Variants in DCUN1D1 observed in about 807,000 individuals in gnomAD.
The protein encoded by DCUN1D1 is DCN1-like protein 1.
A neutral mutation model predicts 39.0 loss-of-function variants in DCUN1D1; 3 were observed. The ratio of observed to expected loss-of-function variants is 0.08; its 90% CI spans 0.04 to 0.20. DCUN1D1 has a LOEUF of 0.20. DCUN1D1 is among the 10% of genes least tolerant of loss of function. DCUN1D1 has a pLI of 1.00. For synonymous variants in DCUN1D1, 82 were observed against 96.3 expected (o/e 0.85, Z 0.87); for missense variants, 158 against 302.4 (o/e 0.52, Z 3.54).
chr3:182,968,747 G>T (rs538613327), intron 1 of DCUN1D1, among the ~76,000 whole-genome samples: 1 of 151,998 alleles, frequency 6.6e-6, no homozygotes, highest in Admixed American at 6.6e-5. Flanking sequence ...TTACAGGCAC[G>T]CACTGCTGCG....
At chr3:182,976,127 T>A (rs184995900) in intron 1 of DCUN1D1, among the ~76,000 whole-genome samples, 8 of 152,288 alleles carry the variant, frequency 5.3e-5, no homozygotes, top group Middle Eastern at 3.4e-3. Flanking sequence ...TTAGTTTTTA[T>A]TGAACATTAG....
At chr3:182,980,405 G>A (rs1330025333) in intron 1 of DCUN1D1, 82 bp downstream of exon 1, 14 of 983,602 alleles carry the variant, frequency 1.4e-5, no homozygotes, top group African/African-American at 1.8e-5. Flanking sequence ...GGTCGCCGCG[G>A]GACGGAGGGC....
At chr3:182,981,597 C>T (rs1256199735), upstream of DCUN1D1, among the ~76,000 whole-genome samples, 2 of 152,192 alleles carry the variant, frequency 1.3e-5, no homozygotes, top group Non-Finnish European at 2.9e-5. Context: ...CAGAAAGTCA[C>T]ATCTGAAACT....
At chr3:182,979,660 T>G (rs1728424371) in intron 1 of DCUN1D1, among the ~76,000 whole-genome samples, 1 of 136,272 alleles carries the variant, frequency 7.3e-6, no homozygotes, top group Non-Finnish European at 1.6e-5. Context: ...AAATCACAAA[T>G]GGCCCTTAAC....
intron 1 of DCUN1D1, among the ~76,000 whole-genome samples, chr3:182,974,402 TAATTTA>T: frequency 6.6e-6 from 1 of 152,158 alleles, no homozygotes. Context: ...TCCAAGTAGC[TAATTTA>T]AATTTACTTT....
intron 4 of DCUN1D1, among the ~76,000 whole-genome samples, chr3:182,949,566 A>T (rs2108626833): frequency 6.6e-6 from 1 of 152,224 alleles, no homozygotes; most frequent in Non-Finnish European, 1.5e-5. Context: ...GAAAAAATTT[A>T]AAAATTAGCC....
intron 3 of DCUN1D1, among the ~76,000 whole-genome samples, chr3:182,962,217 T>C (rs1316112513): frequency 6.6e-6 from 1 of 152,204 alleles, no homozygotes; most frequent in Non-Finnish European, 1.5e-5. Context: ...TCCCAGCAAG[T>C]TCAGGATGGG....
intron 1 of DCUN1D1, among the ~76,000 whole-genome samples, chr3:182,967,454 G>A (rs1216412445): frequency 6.6e-6 from 1 of 152,064 alleles, no homozygotes; most frequent in East Asian, 1.9e-4. Flanking sequence ...ACAAGACTAT[G>A]CAAAATCAAA....
upstream of DCUN1D1, among the ~76,000 whole-genome samples, chr3:182,982,304 G>C (rs561757035): frequency 4.6e-5 from 7 of 152,052 alleles, no homozygotes; most frequent in African/African-American, 1.7e-4. Flanking sequence ...ACGTCCTTCT[G>C]TATACAGCCT....
chr3:182,977,849 G>A (rs1282855830), intron 1 of DCUN1D1, among the ~76,000 whole-genome samples: 5 of 151,982 alleles, frequency 3.3e-5, no homozygotes, highest in South Asian at 2.1e-4. Context: ...AGACCAGCCA[G>A]GTCAACATAG....
At chr3:182,980,266 C>A in intron 1 of DCUN1D1, 1 of 309,244 alleles carries the variant, frequency 3.2e-6, no homozygotes. Context: ...CGGCTCCGCT[C>A]CGCCTCCTCG....
chr3:182,973,073 T>TA (rs1474928331), intron 1 of DCUN1D1, among the ~76,000 whole-genome samples: 1 of 152,128 alleles, frequency 6.6e-6, no homozygotes, highest in Non-Finnish European at 1.5e-5. Flanking sequence ...TGTATTACTT[T>TA]AGTCCCCTCT....
chr3:182,976,261 A>T (rs1034096463), intron 1 of DCUN1D1, among the ~76,000 whole-genome samples: 1 of 152,132 alleles, frequency 6.6e-6, no homozygotes, highest in Non-Finnish European at 1.5e-5. Context: ...GTCACAGGAC[A>T]CTATGGAACA....
At chr3:182,966,413 A>T (rs1448475682) in intron 1 of DCUN1D1, among the ~76,000 whole-genome samples, 2 of 151,612 alleles carry the variant, frequency 1.3e-5, no homozygotes, top group Admixed American at 6.6e-5. Context: ...TATCAAAATA[A>T]TTTTTTTTTC....
intron 1 of DCUN1D1, among the ~76,000 whole-genome samples, chr3:182,971,864 C>G (rs1577194875): frequency 6.6e-6 from 1 of 152,116 alleles, no homozygotes; most frequent in South Asian, 2.1e-4. Flanking sequence ...AAAAGAAAAA[C>G]AAAAAGGGCA....
intron 1 of DCUN1D1, among the ~76,000 whole-genome samples, chr3:182,973,661 G>C (rs1189675977): frequency 1.3e-5 from 2 of 152,026 alleles, no homozygotes; most frequent in African/African-American, 2.4e-5. Flanking sequence ...ACAAAAATTA[G>C]CTGGGCATGG....
At chr3:182,979,327 G>A (rs548141429) in intron 1 of DCUN1D1, among the ~76,000 whole-genome samples, 1 of 152,258 alleles carries the variant, frequency 6.6e-6, no homozygotes, top group Admixed American at 6.5e-5. Flanking sequence ...GCAAAAATAA[G>A]ACCAACTAAA....
At position 182,968,055 on chromosome 3, in the gene DCUN1D1, C is replaced by CAT. The variant is rs1386517933; in HGVS notation, c.4-2304_4-2303dup. On this transcript the variant is annotated intron_variant, in intron 1 of 6. Transcript: ENST00000292782. ...ACCTGCAAGTACACCAACCACAGAC[C>CAT]ATATCCTGGAAATTACGTAGGTTTT... 1.2e-4 allele frequency among the ~76,000 whole-genome samples: 19 copies of CAT among 152,156 alleles called. No individual in the cohort carries two copies. The East Asian group carries it at 2.1e-3, about 17-fold the overall frequency.
chr3:182,975,113 A>AG (rs1291859250), intron 1 of DCUN1D1, among the ~76,000 whole-genome samples: 4 of 152,150 alleles, frequency 2.6e-5, no homozygotes, highest in Non-Finnish European at 2.9e-5. Flanking sequence ...AGCACAATCA[A>AG]AGCAGCCACT....
Sources: gnomAD v4.1 joint callset for allele counts (sites outside exome capture counted in the v4.1 genomes callset) on GRCh38, gnomAD v4.1.1 for gene constraint, MANE v1.5 for transcripts, NCBI Gene and HGNC (gene_info 2026-07-23, HGNC 2026-07-21) for gene names.